Variants in GULP1 observed in about 807,000 individuals in gnomAD.
The protein encoded by GULP1 is PTB domain-containing engulfment adapter protein 1.
In GULP1, 19 loss-of-function variants were observed where a neutral mutation model predicts 40.9. That is an observed-to-expected ratio of 0.46 (90% confidence interval 0.32 to 0.68). GULP1 has a LOEUF of 0.68. GULP1 is among the 30% of genes least tolerant of loss of function. The probability of loss-of-function intolerance (pLI) is 0.03; values close to 1 mark genes in which losing one functional copy is unlikely to be tolerated. For missense variants in GULP1, 312 were observed against 362.2 expected (o/e 0.86, Z 1.12); for synonymous variants, 119 against 117.6 (o/e 1.01, Z -0.08).
intron 2 of GULP1, among the ~76,000 whole-genome samples, chr2:188,438,035 A>C (rs2057573039): frequency 6.6e-6 from 1 of 152,090 alleles, no homozygotes; most frequent in Non-Finnish European, 1.5e-5. Context: ...TGAGTTTACC[A>C]GTATAACAAA....
At chr2:188,546,188 G>A (rs1007537744) in intron 7 of GULP1, among the ~76,000 whole-genome samples, 2 of 151,844 alleles carry the variant, frequency 1.3e-5, no homozygotes, top group African/African-American at 2.4e-5. Flanking sequence ...AAATCATCAA[G>A]GATATAGAAT....
intron 9 of GULP1, among the ~76,000 whole-genome samples, chr2:188,578,535 T>TA (rs796735782): frequency 0.021 from 2,423 of 116,282 alleles, 51 homozygotes; most frequent in African/African-American, 0.06. Context: ...TAAAGTAAAA[T>TA]AAAAAAAAAA....
At chr2:188,571,180 T>C (rs1211877417) in intron 9 of GULP1, among the ~76,000 whole-genome samples, 1 of 152,074 alleles carries the variant, frequency 6.6e-6, no homozygotes, top group African/African-American at 2.4e-5. Context: ...ATCTAACTTA[T>C]AACATAAACA....
chr2:188,362,869 G>A (rs886492878), intron 1 of GULP1, among the ~76,000 whole-genome samples: 6 of 151,796 alleles, frequency 4.0e-5, no homozygotes, highest in African/African-American at 1.2e-4. Context: ...TGTAACAACC[G>A]AAACATTTGG....
At chr2:188,422,372 G>T (rs1047163661) in intron 2 of GULP1, among the ~76,000 whole-genome samples, 1 of 150,016 alleles carries the variant, frequency 6.7e-6, no homozygotes, top group Non-Finnish European at 1.5e-5. Context: ...ACTTGCACAG[G>T]TACATATGTA....
At chr2:188,510,078 G>T (rs2153194910) in intron 4 of GULP1, among the ~76,000 whole-genome samples, 1 of 152,192 alleles carries the variant, frequency 6.6e-6, no homozygotes, top group African/African-American at 2.4e-5. Flanking sequence ...AGCATTTAAA[G>T]AATCTTCTCT....
At chr2:188,350,308 T>C (rs978043698) in intron 1 of GULP1, among the ~76,000 whole-genome samples, 4 of 152,282 alleles carry the variant, frequency 2.6e-5, no homozygotes, top group Admixed American at 6.5e-5. Flanking sequence ...ATTTTAACAA[T>C]ATTAAGTCTA....
At chr2:188,310,271 A>G (rs2037860285) in intron 1 of GULP1, among the ~76,000 whole-genome samples, 1 of 152,228 alleles carries the variant, frequency 6.6e-6, no homozygotes, top group South Asian at 2.1e-4. Flanking sequence ...TGAGCAAGAC[A>G]GAATGAAGAG....
intron 2 of GULP1, among the ~76,000 whole-genome samples, chr2:188,467,822 G>T (rs2060251988): frequency 6.6e-6 from 1 of 152,056 alleles, no homozygotes; most frequent in South Asian, 2.1e-4. Context: ...TTCTGTCACA[G>T]ATGGTCTAGT....
chr2:188,519,849 GC>G (rs1473803226), intron 4 of GULP1, among the ~76,000 whole-genome samples: 1 of 151,900 alleles, frequency 6.6e-6, no homozygotes, highest in Non-Finnish European at 1.5e-5. Context: ...TCACTGTGTT[GC>G]TCAGGCTGCC....
At chr2:188,430,201 C>T (rs2056701222) in intron 2 of GULP1, among the ~76,000 whole-genome samples, 1 of 152,114 alleles carries the variant, frequency 6.6e-6, no homozygotes, top group Non-Finnish European at 1.5e-5. Context: ...ATTCATTTAT[C>T]CAGTGTGATA....
chr2:188,304,698 T>C (rs1409512422), intron 1 of GULP1, among the ~76,000 whole-genome samples: 1 of 152,216 alleles, frequency 6.6e-6, no homozygotes, highest in Non-Finnish European at 1.5e-5. Context: ...GTCCCTCTGA[T>C]GGCACAATGA....
chr2:188,440,457 A>T (rs148624863), intron 2 of GULP1, among the ~76,000 whole-genome samples: 379 of 152,310 alleles, frequency 2.5e-3, no homozygotes, highest in African/African-American at 8.1e-3. Context: ...GTTTGTTTTG[A>T]TATTGTAGTA....
intron 2 of GULP1, among the ~76,000 whole-genome samples, chr2:188,441,407 C>G (rs1286219581): frequency 2.0e-5 from 3 of 152,142 alleles, no homozygotes; most frequent in African/African-American, 4.8e-5. Context: ...CTAAACCACT[C>G]ACTGCATTTT....
intron 1 of GULP1, among the ~76,000 whole-genome samples, chr2:188,298,352 T>G (rs2035436573): frequency 6.6e-6 from 1 of 151,796 alleles, no homozygotes; most frequent in Non-Finnish European, 1.5e-5. Context: ...GCTGAATATG[T>G]TAATTAAATA....
chr2:188,454,378 C>T (rs114089728), intron 2 of GULP1, among the ~76,000 whole-genome samples: 343 of 152,188 alleles, frequency 2.3e-3, no homozygotes, highest in Admixed American at 4.0e-3. Flanking sequence ...AAGGTTAAAA[C>T]AAAGGCACCA....
chr2:188,586,587 G>A (rs1428097469), intron 10 of GULP1, among the ~76,000 whole-genome samples: 1 of 152,104 alleles, frequency 6.6e-6, no homozygotes, highest in African/African-American at 2.4e-5. Flanking sequence ...CATTTGATTA[G>A]GATAGCCCTG....
intron 7 of GULP1, among the ~76,000 whole-genome samples, chr2:188,562,735 T>C (rs1349989496): frequency 6.6e-6 from 1 of 152,158 alleles, no homozygotes; most frequent in East Asian, 1.9e-4. Context: ...CAGAGTATAC[T>C]TTCCTTTTGA....
At chr2:188,309,333 A>T (rs2037675865) in intron 1 of GULP1, among the ~76,000 whole-genome samples, 1 of 151,928 alleles carries the variant, frequency 6.6e-6, no homozygotes, top group South Asian at 2.1e-4. Context: ...TGGCATGGGG[A>T]TGTGCACCTG....
Sources: allele counts gnomAD v4.1 joint callset (sites outside exome capture counted in the v4.1 genomes callset), GRCh38; gene constraint gnomAD v4.1.1; transcripts MANE v1.5; gene names NCBI Gene and HGNC (gene_info 2026-07-23, HGNC 2026-07-21).